The following PCDH9 variants were observed in gnomAD, a reference collection of about 807,000 sequenced individuals.
PCDH9 encodes protocadherin-9.
In PCDH9, 24 loss-of-function variants were observed where a neutral mutation model predicts 70.6. The ratio of observed to expected loss-of-function variants is 0.34; its 90% CI spans 0.25 to 0.48. The LOEUF (loss-of-function observed/expected upper bound fraction) is 0.48. PCDH9 is among the 20% of genes least tolerant of loss of function. The pLI is 0.99. For synonymous variants in PCDH9, 562 were observed against 558.5 expected, an observed-to-expected ratio of 1.01 and a Z score of -0.09; for missense variants, 1,281 against 1,503.6, an observed-to-expected ratio of 0.85 and a Z score of 2.45.
At chr13:67,221,687 T>G (rs1319336689) in intron 2 of PCDH9, 2 of 152,058 alleles carry the variant, frequency 1.3e-5, no homozygotes, top group Non-Finnish European at 2.9e-5. Context: ...TCATTTATCT[T>G]CCCTCTTCCC....
intron 4 of PCDH9, among the ~76,000 whole-genome samples, chr13:66,607,663 A>G (rs984331967): frequency 1.3e-5 from 2 of 152,116 alleles, no homozygotes; most frequent in Admixed American, 1.3e-4. Context: ...TTAGTCTCAA[A>G]TGTTATTTGA....
At chr13:66,456,743 A>T (rs1594011226) in intron 4 of PCDH9, among the ~76,000 whole-genome samples, 1 of 152,096 alleles carries the variant, frequency 6.6e-6, no homozygotes, top group Non-Finnish European at 1.5e-5. Context: ...TCTTCCAAGT[A>T]TCACAGCCTA....
chr13:66,363,869 T>A (rs566497253), intron 4 of PCDH9, among the ~76,000 whole-genome samples: 1 of 152,208 alleles, frequency 6.6e-6, no homozygotes, highest in Admixed American at 6.5e-5. Flanking sequence ...TAAGAAACAG[T>A]TTAGTCCAGG....
chr13:66,514,074 G>A (rs569376672), intron 4 of PCDH9, among the ~76,000 whole-genome samples: 1 of 152,200 alleles, frequency 6.6e-6, no homozygotes, highest in South Asian at 2.1e-4. Flanking sequence ...AGCTTGTAAT[G>A]ACTGGGTAGA....
chr13:67,225,290 C>T, intron 2 of PCDH9, 115 bp downstream of exon 2: 3 of 1,294,574 alleles, frequency 2.3e-6, no homozygotes, highest in Non-Finnish European at 3.2e-6. Flanking sequence ...TTTTTTTTTA[C>T]CTCTTTCTAA....
intron 4 of PCDH9, among the ~76,000 whole-genome samples, chr13:66,441,197 T>C (rs1042523363): frequency 6.6e-6 from 1 of 152,170 alleles, no homozygotes; most frequent in Non-Finnish European, 1.5e-5. Flanking sequence ...GCAAGTGAAG[T>C]GTGTTATCCG....
At chr13:67,213,543 A>C (rs1389642258) in intron 2 of PCDH9, 1 of 152,070 alleles carries the variant, frequency 6.6e-6, no homozygotes, top group Admixed American at 6.6e-5. Context: ...TCCTTGTAAT[A>C]ACCCTAAGAG....
chr13:66,961,714 A>C (rs1240342784), intron 2 of PCDH9, among the ~76,000 whole-genome samples: 2 of 152,224 alleles, frequency 1.3e-5, no homozygotes, highest in Non-Finnish European at 2.9e-5. Flanking sequence ...GAAATTGATT[A>C]AGAAAAATCA....
intron 3 of PCDH9, among the ~76,000 whole-genome samples, chr13:66,784,817 T>C (rs2080054236): frequency 6.6e-6 from 1 of 152,156 alleles, no homozygotes; most frequent in African/African-American, 2.4e-5. Context: ...AGTTAAAATA[T>C]AGCCCTGAGG....
At chr13:66,898,304 A>G (rs973539168) in intron 3 of PCDH9, among the ~76,000 whole-genome samples, 1 of 151,982 alleles carries the variant, frequency 6.6e-6, no homozygotes, top group Non-Finnish European at 1.5e-5. Context: ...TATATGTGTC[A>G]TTTACTAGCC....
intron 3 of PCDH9, among the ~76,000 whole-genome samples, chr13:66,749,151 C>T (rs961123431): frequency 3.9e-5 from 6 of 152,122 alleles, no homozygotes; most frequent in African/African-American, 1.2e-4. Context: ...CCAGTTTCGG[C>T]CAGTTCTTTA....
chr13:66,466,777 G>T (rs1354067855), intron 4 of PCDH9, among the ~76,000 whole-genome samples: 1 of 151,986 alleles, frequency 6.6e-6, no homozygotes, highest in Non-Finnish European at 1.5e-5. Context: ...AATATACCTG[G>T]AGTGGTAAGA....
At chr13:67,146,572 A>G (rs1296699736) in intron 2 of PCDH9, among the ~76,000 whole-genome samples, 1 of 152,204 alleles carries the variant, frequency 6.6e-6, no homozygotes, top group East Asian at 1.9e-4. Context: ...TTATCTGCTC[A>G]GTAAATTTTG....
At chr13:67,020,648 G>A (rs377379866) in intron 2 of PCDH9, among the ~76,000 whole-genome samples, 1 of 152,116 alleles carries the variant, frequency 6.6e-6, no homozygotes, top group African/African-American at 2.4e-5. Context: ...CCAAATCCCT[G>A]CGGGGAAAAA....
intron 4 of PCDH9, among the ~76,000 whole-genome samples, chr13:66,453,489 T>A (rs1958256354): frequency 6.6e-6 from 1 of 151,006 alleles, no homozygotes; most frequent in Non-Finnish European, 1.5e-5. Flanking sequence ...CCCCAGGAAA[T>A]CACTAGCTTC....
chr13:66,846,884 T>TACACACACAC lies in PCDH9; in HGVS notation c.3138+56610_3138+56619dup, dbSNP rs34392674. On this transcript the variant is annotated intron_variant, in intron 3 of 4. Transcript: ENST00000377865. ...ATCAATCTCTCTCCCTTTCTCATAA[T>TACACACACAC]ACACACACACACACACACACACACA... Among the ~76,000 whole-genome samples the TACACACACAC allele has an allele frequency of 4.5e-4, 67 of 149,580 alleles. 1 individual carries two copies. Among genetic ancestry groups the TACACACACAC allele is most frequent in the South Asian group, 2.1e-3 (10 of 4,702 alleles).
intron 3 of PCDH9, among the ~76,000 whole-genome samples, chr13:66,770,787 A>G (rs2079795381): frequency 6.6e-6 from 1 of 152,144 alleles, no homozygotes; most frequent in Non-Finnish European, 1.5e-5. Flanking sequence ...TGTCTTTTTG[A>G]GCTAAAAATC....
At chr13:66,828,810 A>AAAAAAAAAAAAAAAT (rs71207607) in intron 3 of PCDH9, among the ~76,000 whole-genome samples, 2 of 148,666 alleles carry the variant, frequency 1.3e-5, no homozygotes, top group African/African-American at 4.9e-5. Flanking sequence ...GCCATACATA[A>AAAAAAAAAAAAAAAT]AATAATAATA....
chr13:67,226,931 T>C lies in PCDH9; in HGVS notation c.1510A>G (p.Ile504Val), dbSNP rs1050336484. Reference sequence around the variant, plus strand: ...GCATTCGGTCCAAGCTGATAAACAATGTCTGCATTTTTCCCACTGTCTTCA... The same window carrying C: ...GCATTCGGTCCAAGCTGATAAACAACGTCTGCATTTTTCCCACTGTCTTCA... ...TDEDSGKNAD[I>V]VYQLGPNASF... Residue 504 changes from isoleucine (I) to valine (V), a missense_variant, in exon 2 of 5, where the codon ATT becomes GTT. Around this residue, in one of 4 missense-constraint regions of PCDH9, gnomAD observed 798 missense variants for 1,003.1 expected, o/e 0.80. Transcript: ENST00000377865. The surrounding 1 kb of genome is among the most constrained non-coding windows in gnomAD (Gnocchi z 5.0). The C allele has an allele frequency of 3.1e-6, 5 of 1,614,216 alleles. No homozygotes were observed. The highest frequency in any genetic ancestry group is 4.2e-6 in the Non-Finnish European group (5 of 1,180,038).
Sources: allele counts gnomAD v4.1 joint callset (sites outside exome capture counted in the v4.1 genomes callset), GRCh38; gene constraint gnomAD v4.1.1; regional missense constraint gnomAD v4.1.1; non-coding constraint Gnocchi (gnomAD v3.1); transcripts MANE v1.5; gene names NCBI Gene and HGNC (gene_info 2026-07-23, HGNC 2026-07-21).